PCDHA13: variants seen among roughly 807,000 people sequenced by gnomAD.
PCDHA13 encodes the protein protocadherin alpha 13.
Under a neutral mutation model 64.8 loss-of-function variants are expected in PCDHA13, and 54 were observed. The observed-to-expected ratio is 0.83, with a 90% CI of 0.67 to 1.04. The LOEUF is 1.04. Among genes scored for constraint, PCDHA13 ranks in the 50% least tolerant of loss-of-function variants. The pLI is 0.00. For missense variants in PCDHA13, 1,248 were observed against 1,254.3 expected (o/e 0.99, Z 0.08); for synonymous variants, 587 against 564.4 (o/e 1.04, Z -0.57).
At position 140,883,003 on chromosome 5, in the gene PCDHA13, C is replaced by G. The variant is rs781977743; in HGVS notation, c.735C>G (p.Ser245=). 3.1e-6 allele frequency: 5 copies of G among 1,613,932 alleles called. No homozygotes were observed. The African/African-American group carries it at 5.3e-5, about 17-fold the overall frequency. The change falls in exon 1 of 4, where the codon TCC becomes TCG. Residue 245 remains serine (S), a synonymous_variant. Coordinates refer to ENST00000289272, the MANE Select transcript of PCDHA13 (RefSeq NM_018904.3). ...ACAACGCCCCGGAATTTTACCAATC[C>G]GTTTATAAAGTGACGGTGTTAGAGA... is the stretch of plus-strand genomic sequence containing the variant. ...VNDNAPEFYQ[S]VYKVTVLENA... is the part of the protein sequence containing the mutation.
rs1554205708 is a variant in PCDHA13 at position 140,928,289 on chromosome 5, G to A, written c.2394+43627G>A. 3.1e-6 allele frequency: 5 copies of A among 1,614,170 alleles called. No individual in the cohort carries two copies. In the East Asian group the frequency reaches 6.7e-5, roughly 22 times the overall value. ...AATGGCCCTGGGGCCTCTCTAGGCC[G>A]AGTGTTTGCCCAGGACCCCGACCTG... is the stretch of plus-strand genomic sequence containing the variant. On this transcript the variant is annotated intron_variant, in intron 1 of 3. Coordinates refer to ENST00000289272, the MANE Select transcript of PCDHA13 (RefSeq NM_018904.3).
At position 140,883,018 on chromosome 5, in the gene PCDHA13, G is replaced by A. The variant is rs1400637236; in HGVS notation, c.750G>A (p.Thr250=). 4 of 1,614,086 alleles carry A rather than the reference G, an allele frequency of 2.5e-6. No individual in the cohort carries two copies. The highest frequency in any genetic ancestry group is 1.7e-5 in the Admixed American group (1 of 60,020). ...PEFYQSVYKV[T]VLENAFNGTL... ...TTTACCAATCCGTTTATAAAGTGACGGTGTTAGAGAACGCCTTCAATGGAA... is the reference window on the plus strand; with the variant it reads ...TTTACCAATCCGTTTATAAAGTGACAGTGTTAGAGAACGCCTTCAATGGAA... Residue 250 remains threonine (T), a synonymous_variant, in exon 1 of 4, where the codon ACG becomes ACA. Coordinates refer to ENST00000289272, the MANE Select transcript of PCDHA13 (RefSeq NM_018904.3).
At chr5:140,986,532 C>G (rs1298199477) in intron 3 of PCDHA13, among the ~76,000 whole-genome samples, 2 of 152,184 alleles carry the variant, frequency 1.3e-5, no homozygotes, top group Non-Finnish European at 2.9e-5. Context: ...GGGAACTGGC[C>G]TGGCTTCAGT....
intron 1 of PCDHA13, chr5:140,928,995 C>T (rs1554206548): frequency 1.2e-6 from 2 of 1,613,798 alleles, no homozygotes; most frequent in Non-Finnish European, 1.7e-6. Flanking sequence ...GCTTACTTTT[C>T]TTCGTGTGTA....
intron 1 of PCDHA13, chr5:140,967,407 G>A: frequency 6.2e-7 from 1 of 1,613,098 alleles, no homozygotes; most frequent in South Asian, 1.1e-5. Context: ...CTGCGTAAGG[G>A]CCTAGACCGG....
Position 140,928,606 on chromosome 5 carries a change from C to T in PCDHA13, c.2394+43944C>T, listed in dbSNP as rs782809256. ...TTCTGTCCCAGTGGAAATTGTGCCC[C>T]GCTCTGCCAGGACTGGACACTTGGT... On this transcript the variant is annotated intron_variant, in intron 1 of 3. Coordinates refer to ENST00000289272, the MANE Select transcript of PCDHA13 (RefSeq NM_018904.3). 7.4e-6 allele frequency: 12 copies of T among 1,614,204 alleles called. No homozygotes were observed. In the South Asian group the frequency reaches 1.2e-4, roughly 16 times the overall value.
intron 1 of PCDHA13, among the ~76,000 whole-genome samples, chr5:140,951,512 C>T (rs2094592870): frequency 6.6e-6 from 1 of 152,004 alleles, no homozygotes; most frequent in Non-Finnish European, 1.5e-5. Context: ...GAAAGCGGCT[C>T]ATCTTACATG....
chr5:140,940,029 C>T (rs1411990785), intron 1 of PCDHA13, among the ~76,000 whole-genome samples: 4 of 152,136 alleles, frequency 2.6e-5, no homozygotes, highest in East Asian at 1.9e-4. Flanking sequence ...TGTTTTAAGG[C>T]TATTTTATTT....
Position 140,882,828 on chromosome 5 carries a change from A to T in PCDHA13, c.560A>T (p.Glu187Val). The T allele has an allele frequency of 6.2e-7, 1 of 1,614,226 alleles. No homozygotes were observed. Among genetic ancestry groups the T allele is most frequent in the Non-Finnish European group, 8.5e-7 (1 of 1,180,030 alleles). Residue 187 changes from glutamate to valine, a missense_variant, in exon 1 of 4, where the codon GAG becomes GTG. By Grantham distance (121) the Glu-to-Val change is moderately radical (BLOSUM62 -2). Transcript: ENST00000289272. Reference protein sequence around the residue: ...YFTLDAQNSLEQMSSLSLVLR... With the variant: ...YFTLDAQNSLVQMSSLSLVLR... ...ACTTTGGACGCACAAAACAGTCTTG[A>T]GCAAATGTCTTCATTATCACTTGTA...
intron 1 of PCDHA13, chr5:140,967,700 G>T: frequency 6.2e-7 from 1 of 1,614,196 alleles, no homozygotes; most frequent in Non-Finnish European, 8.5e-7. Context: ...CAGCATAGAT[G>T]CCAGTACCGG....
In PCDHA13 at chr5:140,884,066, G is replaced by T. The variant is rs2059975136; in HGVS notation, c.1798G>T (p.Asp600Tyr). 1 of 1,613,514 alleles carries T rather than the reference G, an allele frequency of 6.2e-7. No individual in the cohort carries two copies. Among genetic ancestry groups the T allele is most frequent in the Non-Finnish European group, 8.5e-7 (1 of 1,179,760 alleles). The change falls in exon 1 of 4, where the codon GAT (aspartate) becomes TAT (tyrosine). Residue 600 changes from aspartate to tyrosine, a missense_variant. By Grantham distance (160) the Asp-to-Tyr change is radical. Transcript: ENST00000289272. Reference protein sequence around the residue: ...VVAKVRAVDADSGYNAWLSYE... With the variant: ...VVAKVRAVDAYSGYNAWLSYE... ...GGCGAAGGTGCGCGCGGTGGACGCC[G>T]ATTCGGGCTACAATGCGTGGCTTTC...
At chr5:140,912,237 A>T (rs2075827332) in intron 1 of PCDHA13, among the ~76,000 whole-genome samples, 2 of 152,122 alleles carry the variant, frequency 1.3e-5, no homozygotes, top group South Asian at 4.2e-4. Flanking sequence ...CACTGACTCA[A>T]ATGTTAATCT....
chr5:140,981,612 T>C (rs2096940396), intron 2 of PCDHA13, among the ~76,000 whole-genome samples: 1 of 152,110 alleles, frequency 6.6e-6, no homozygotes, highest in Non-Finnish European at 1.5e-5. Context: ...CCTCTAATTT[T>C]GATGAGGGTT....
intron 1 of PCDHA13, among the ~76,000 whole-genome samples, chr5:140,978,488 C>T (rs1453613410): frequency 6.6e-6 from 1 of 152,224 alleles, no homozygotes; most frequent in Non-Finnish European, 1.5e-5. Flanking sequence ...TCTGCAAAGC[C>T]AGCAGCAGAT....
chr5:140,943,617 T>A (rs2093532711), intron 1 of PCDHA13, among the ~76,000 whole-genome samples: 1 of 152,208 alleles, frequency 6.6e-6, no homozygotes, highest in Non-Finnish European at 1.5e-5. Context: ...TTGATTCATC[T>A]GCATAAGGAA....
intron 1 of PCDHA13, chr5:140,929,147 A>G (rs1247156816): frequency 6.2e-7 from 1 of 1,614,062 alleles, no homozygotes; most frequent in Non-Finnish European, 8.5e-7. Flanking sequence ...AGACTTTCTC[A>G]GACTTATCTC....
intron 1 of PCDHA13, among the ~76,000 whole-genome samples, chr5:140,943,064 C>T (rs1352675515): frequency 1.3e-5 from 2 of 151,818 alleles, no homozygotes; most frequent in African/African-American, 4.8e-5. Context: ...CAAGAACAGC[C>T]TGACCAACAT....
At chr5:140,963,128 T>A (rs1283011021) in intron 1 of PCDHA13, among the ~76,000 whole-genome samples, 1 of 152,144 alleles carries the variant, frequency 6.6e-6, no homozygotes, top group African/African-American at 2.4e-5. Context: ...AGAGATAATA[T>A]TAAATTATTT....
intron 1 of PCDHA13, among the ~76,000 whole-genome samples, chr5:140,918,819 TG>T (rs2078870306): frequency 1.6e-5 from 1 of 61,992 alleles, no homozygotes; most frequent in Admixed American, 1.3e-4. Flanking sequence ...AACCAAAAAG[TG>T]GCCCCCTCCC....
Sources: allele counts gnomAD v4.1 joint callset (sites outside exome capture counted in the v4.1 genomes callset), GRCh38; gene constraint gnomAD v4.1.1; transcripts MANE v1.5; gene names NCBI Gene and HGNC (gene_info 2026-07-23, HGNC 2026-07-21).